The following CALN1 variants were observed in gnomAD, a reference collection of about 807,000 sequenced individuals.
The protein encoded by CALN1 is calneuron 1.
In CALN1, 17 loss-of-function variants were observed where a neutral mutation model predicts 30.6. The ratio of observed to expected loss-of-function variants is 0.56; its 90% CI spans 0.38 to 0.83. The LOEUF is 0.83. Among genes scored for constraint, CALN1 ranks in the 40% least tolerant of loss-of-function variants. The probability of loss-of-function intolerance (pLI) is 0.00; values close to 1 mark genes in which losing one functional copy is unlikely to be tolerated. For missense variants in CALN1, 291 were observed against 354.9 expected (o/e 0.82, Z 1.45); for synonymous variants, 156 against 131.4 (o/e 1.19, Z -1.28).
chr7:72,284,846 T>C (rs1428638720), intron 2 of CALN1, among the ~76,000 whole-genome samples: 1 of 151,942 alleles, frequency 6.6e-6, no homozygotes, highest in East Asian at 1.9e-4. Context: ...TAGATAGAGA[T>C]ATATGATAGA....
intron 5 of CALN1, among the ~76,000 whole-genome samples, chr7:71,860,290 T>C (rs1251293184): frequency 1.3e-5 from 2 of 151,626 alleles, no homozygotes; most frequent in Non-Finnish European, 2.9e-5. Flanking sequence ...CCTCCTGGGC[T>C]CAAGCGATTC....
upstream of CALN1, among the ~76,000 whole-genome samples, chr7:72,451,283 G>A (rs1475465895): frequency 2.1e-5 from 3 of 141,290 alleles, no homozygotes; most frequent in Admixed American, 2.1e-4. Flanking sequence ...AGGAAGAAGG[G>A]GCGAAGGGAA....
intron 3 of CALN1, among the ~76,000 whole-genome samples, chr7:72,248,192 G>C (rs1216048118): frequency 6.6e-6 from 1 of 152,110 alleles, no homozygotes; most frequent in East Asian, 1.9e-4. Context: ...TTGGCTCACT[G>C]CAACTTCCAC....
chr7:72,053,361 G>C (rs1286850879), intron 4 of CALN1, among the ~76,000 whole-genome samples: 1 of 152,220 alleles, frequency 6.6e-6, no homozygotes, highest in Admixed American at 6.5e-5. Flanking sequence ...CCGGCTGGTA[G>C]GTGATAGGAA....
chr7:72,455,337 G>A, the CALN1 span, among the ~76,000 whole-genome samples: 5 of 137,214 alleles, frequency 3.6e-5, no homozygotes, highest in East Asian at 5.0e-4. Flanking sequence ...GTGTGTGTGT[G>A]TGTGTGTGTG....
At chr7:72,054,544 C>CAT (rs35330773) in intron 4 of CALN1, among the ~76,000 whole-genome samples, 3,268 of 95,028 alleles carry the variant, frequency 0.034, 147 homozygotes, top group South Asian at 0.07. Context: ...TATATATATA[C>CAT]ATATATATAT....
chr7:71,997,863 C>G (rs1799330590), intron 5 of CALN1, among the ~76,000 whole-genome samples: 1 of 152,104 alleles, frequency 6.6e-6, no homozygotes, highest in African/African-American at 2.4e-5. Context: ...TCTTGTCCCC[C>G]TGGCTGGAGT....
intron 3 of CALN1, among the ~76,000 whole-genome samples, chr7:72,155,491 CAAA>C (rs796507891): frequency 3.8e-5 from 4 of 103,980 alleles, no homozygotes; most frequent in Non-Finnish European, 4.2e-5. Flanking sequence ...GACTCTGTCT[CAAA>C]AAAAAAAAAA....
At chr7:72,159,231 T>C (rs1004770972) in intron 3 of CALN1, among the ~76,000 whole-genome samples, 30 of 152,228 alleles carry the variant, frequency 2.0e-4, no homozygotes, top group Non-Finnish European at 3.8e-4. Context: ...ATTCTGTTTA[T>C]TGCAATCAAT....
At chr7:72,446,835 C>G (rs1338092306) in intron 1 of CALN1, among the ~76,000 whole-genome samples, 1 of 152,178 alleles carries the variant, frequency 6.6e-6, no homozygotes, top group Admixed American at 6.5e-5. Flanking sequence ...GAGCCACCAC[C>G]ACCTCCAGAT....
At chr7:72,202,880 C>G (rs1791539449) in intron 3 of CALN1, among the ~76,000 whole-genome samples, 1 of 152,186 alleles carries the variant, frequency 6.6e-6, no homozygotes, top group Admixed American at 6.5e-5. Flanking sequence ...TATAAAGACA[C>G]ATGCACACAT....
chr7:71,994,225 A>C (rs945983339), intron 5 of CALN1, among the ~76,000 whole-genome samples: 88 of 152,270 alleles, frequency 5.8e-4, no homozygotes, highest in African/African-American at 2.0e-3. Flanking sequence ...CAGATAGTAA[A>C]ATTGGGCCAG....
intron 2 of CALN1, among the ~76,000 whole-genome samples, chr7:72,359,620 T>C (rs930745228): frequency 6.6e-6 from 1 of 152,086 alleles, no homozygotes; most frequent in Non-Finnish European, 1.5e-5. Flanking sequence ...AAGAATAACC[T>C]GATTCCAATC....
At chr7:72,377,436 C>CGTGTGTGTGTGTGTGT (rs138060244) in intron 2 of CALN1, among the ~76,000 whole-genome samples, 122 of 142,432 alleles carry the variant, frequency 8.6e-4, no homozygotes, top group African/African-American at 1.6e-3. Flanking sequence ...GCCACACTTT[C>CGTGTGTGTGTGTGTGT]GTGTGTGTGT....
chr7:72,209,076 TCCTTC>T (rs1164569793), intron 3 of CALN1, among the ~76,000 whole-genome samples: 2 of 136,232 alleles, frequency 1.5e-5, no homozygotes, highest in South Asian at 2.6e-4. Context: ...CTGTCCTCTC[TCCTTC>T]CCTTCCCTCC....
At chr7:71,862,358 G>A (rs1190060740) in intron 5 of CALN1, among the ~76,000 whole-genome samples, 1 of 152,196 alleles carries the variant, frequency 6.6e-6, no homozygotes, top group Non-Finnish European at 1.5e-5. Flanking sequence ...GGACCCAGTG[G>A]AAGGTAACTG....
chr7:72,396,550 G>A (rs572422806), intron 2 of CALN1, among the ~76,000 whole-genome samples: 2 of 152,274 alleles, frequency 1.3e-5, no homozygotes, highest in East Asian at 3.9e-4. Flanking sequence ...GGTCTCTAAA[G>A]ACAGTGTGTC....
intron 5 of CALN1, among the ~76,000 whole-genome samples, chr7:71,987,273 G>T (rs1459747703): frequency 6.6e-6 from 1 of 152,214 alleles, no homozygotes; most frequent in African/African-American, 2.4e-5. Context: ...ATTATGTCAC[G>T]AGTTGTGCTT....
At chr7:71,912,648 C>T (rs886642084) in intron 5 of CALN1, among the ~76,000 whole-genome samples, 2 of 152,132 alleles carry the variant, frequency 1.3e-5, no homozygotes, top group African/African-American at 4.8e-5. Context: ...CTGAACTTGG[C>T]AGTAGAGAGC....
Sources: gnomAD v4.1 joint callset for allele counts (sites outside exome capture counted in the v4.1 genomes callset) on GRCh38, gnomAD v4.1.1 for gene constraint, MANE v1.5 for transcripts, NCBI Gene and HGNC (gene_info 2026-07-23, HGNC 2026-07-21) for gene names.